EPHA8: variants seen among roughly 807,000 people sequenced by gnomAD.
The protein encoded by EPHA8 is EPH receptor A8.
In EPHA8, 58 loss-of-function variants were observed where a neutral mutation model predicts 103.6. The observed-to-expected ratio is 0.56, with a 90% CI of 0.45 to 0.70. The LOEUF is 0.70. Among genes scored for constraint, EPHA8 ranks in the 30% least tolerant of loss-of-function variants. The pLI, the probability that EPHA8 is intolerant of heterozygous loss-of-function variation, is 0.00. For synonymous variants in EPHA8, 559 were observed against 572.5 expected, an observed-to-expected ratio of 0.98 and a Z score of 0.34; for missense variants, 1,304 against 1,395.2, an observed-to-expected ratio of 0.93 and a Z score of 1.04.
At chr1:22,574,340 C>G (rs1324671004) in intron 2 of EPHA8, among the ~76,000 whole-genome samples, 1 of 152,208 alleles carries the variant, frequency 6.6e-6, no homozygotes, top group Admixed American at 6.5e-5. Flanking sequence ...AGTTTACCGT[C>G]TTAACCCTTT....
chr1:22,590,790 C>T (rs548664025), intron 5 of EPHA8, among the ~76,000 whole-genome samples: 8 of 152,246 alleles, frequency 5.3e-5, no homozygotes, highest in Non-Finnish European at 8.8e-5. Context: ...CTCGCGGTCA[C>T]CAGCGAAGAC....
chr1:22,601,167 G>T (rs1392442640), intron 15 of EPHA8, 79 bp downstream of exon 15: 3 of 1,540,856 alleles, frequency 1.9e-6, no homozygotes, highest in Non-Finnish European at 2.6e-6. Flanking sequence ...GGACAGTTTG[G>T]CCCTGACACT....
At position 22,597,394 on chromosome 1, in the gene EPHA8, C is replaced by T. The variant is rs189030587; in HGVS notation, c.1848C>T (p.Tyr616=). The change falls in exon 10 of 17, where the codon TAC becomes TAT. Residue 616 remains tyrosine (Y), a synonymous_variant. Transcript: ENST00000166244. The surrounding 1 kb of genome is among the most constrained non-coding windows in gnomAD (Gnocchi z 4.6). ...AGTTCTATGCGGAACCCCACACCTA[C>T]GAGGAGCCAGGCCGGGCGGGCCGCA... The part of the protein sequence containing the change: ...EPQFYAEPHT[Y]EEPGRAGRSF... 1.9e-5 allele frequency: 30 copies of T among 1,613,458 alleles called. No individual in the cohort carries two copies. The highest frequency in any genetic ancestry group is 9.9e-5 in the South Asian group (9 of 91,078).
intron 3 of EPHA8, among the ~76,000 whole-genome samples, chr1:22,582,800 G>T (rs1409718708): frequency 6.6e-6 from 1 of 152,214 alleles, no homozygotes; most frequent in Non-Finnish European, 1.5e-5. Flanking sequence ...GCATCACCCA[G>T]CGGAGCAGCA....
intron 15 of EPHA8, 26 bp downstream of exon 15, chr1:22,601,114 T>G (rs1439257393): frequency 6.3e-7 from 1 of 1,584,760 alleles, no homozygotes; most frequent in African/African-American, 1.3e-5. Flanking sequence ...CCCAGCTCCT[T>G]GAGGCCCAGC....
At chr1:22,583,243 T>C (rs1197972069) in intron 3 of EPHA8, among the ~76,000 whole-genome samples, 3 of 152,258 alleles carry the variant, frequency 2.0e-5, no homozygotes, top group Non-Finnish European at 4.4e-5. Flanking sequence ...GTCTCAGCCA[T>C]TAATTCCCGG....
In EPHA8 at chr1:22,597,490, G is replaced by A. The variant is rs1341794970; in HGVS notation, c.1930+14G>A. 3 of 1,610,064 alleles carry A rather than the reference G, an allele frequency of 1.9e-6. No individual in the cohort carries two copies. The highest frequency in any genetic ancestry group is 1.3e-5 in the African/African-American group (1 of 74,988). ...TCATCGGCTCTGGTGAGTCTCAGGGGTTGTGAGGGCGGGGCCAGCATGGGG... is the reference window on the plus strand; with the variant it reads ...TCATCGGCTCTGGTGAGTCTCAGGGATTGTGAGGGCGGGGCCAGCATGGGG... On this transcript the variant is annotated intron_variant, in intron 10 of 16. Coordinates refer to ENST00000166244, the MANE Select transcript of EPHA8 (RefSeq NM_020526.5). This position sits in a 1 kb window ranked among gnomAD's most constrained non-coding sequence, Gnocchi z 4.6.
intron 2 of EPHA8, among the ~76,000 whole-genome samples, chr1:22,572,130 C>T (rs1640559266): frequency 6.6e-6 from 1 of 152,232 alleles, no homozygotes; most frequent in Non-Finnish European, 1.5e-5. Flanking sequence ...ACCCCTCTGA[C>T]TCTGGAGTCC....
chr1:22,588,054 G>A (rs1162323193), intron 4 of EPHA8, among the ~76,000 whole-genome samples: 8 of 152,220 alleles, frequency 5.3e-5, no homozygotes, highest in African/African-American at 9.6e-5. Flanking sequence ...GCTTAAGATC[G>A]TAAAGGCTGA....
chr1:22,585,646 A>T (rs933205320), intron 3 of EPHA8, among the ~76,000 whole-genome samples: 1 of 152,198 alleles, frequency 6.6e-6, no homozygotes, highest in African/African-American at 2.4e-5. Context: ...ATGATCACGC[A>T]GGCAGCTGGG....
chr1:22,574,742 A>G (rs1640636534), intron 2 of EPHA8, among the ~76,000 whole-genome samples: 7 of 152,180 alleles, frequency 4.6e-5, no homozygotes, highest in Admixed American at 4.6e-4. Flanking sequence ...TAATGCTGCT[A>G]TGAATAGGGG....
intron 13 of EPHA8, among the ~76,000 whole-genome samples, chr1:22,600,266 GGGAAGGAAGGAAGGGATGAGGAAA>G (rs1469136284): frequency 2.1e-5 from 3 of 146,030 alleles, no homozygotes; most frequent in Non-Finnish European, 4.5e-5. Context: ...GAAGGAAGAA[GGGAAGGAAGGAAGGGATGAGGAAA>G]GGAAGGAAGG....
rs1032344921 is a variant in EPHA8 at position 22,563,739 on chromosome 1, G to A, written c.94+10G>A. 6.8e-6 allele frequency: 1 copy of A among 147,462 alleles called. No individual in the cohort carries two copies. Among genetic ancestry groups the A allele is most frequent in the Non-Finnish European group, 1.5e-5 (1 of 65,994 alleles). 9.1% of individuals were successfully genotyped at this position (147,462 alleles called of 1,614,324 possible). A position where few individuals can be genotyped will look rare whatever the true frequency, so the allele number is the denominator to read the frequency against. On this transcript the variant is annotated intron_variant, in intron 1 of 16. Coordinates refer to ENST00000166244, the MANE Select transcript of EPHA8 (RefSeq NM_020526.5). This position sits in a 1 kb window ranked among gnomAD's most constrained non-coding sequence, Gnocchi z 4.4. ...GCGGCGCGCGGCGAAGGTGAGCGGC[G>A]GCGGCGGGGCGGGGCAGGGGCGGCC...
In EPHA8 at chr1:22,593,531, A is replaced by T. The variant is rs1289866171; in HGVS notation, c.1448A>T (p.Glu483Val). The change falls in exon 7 of 17, where the codon GAG becomes GTG. Residue 483 changes from glutamate to valine, a missense_variant. By Grantham distance (121) the Glu-to-Val change is moderately radical (BLOSUM62 -2). Transcript: ENST00000166244. The stretch of plus-strand genomic sequence containing the variant: ...ACCACCGTCCCGTGGCAGGACAAGG[A>T]GATGCAGAGCTACTCCACCCTCAAG... Reference protein sequence around the residue: ...YEIKYYEKDKEMQSYSTLKAV... With the variant: ...YEIKYYEKDKVMQSYSTLKAV... 1 of 1,612,140 alleles carries T rather than the reference A, an allele frequency of 6.2e-7. No individual in the cohort carries two copies. Among genetic ancestry groups the T allele is most frequent in the East Asian group, 2.2e-5 (1 of 44,864 alleles).
rs1180417843 is a variant in EPHA8 at position 22,567,836 on chromosome 1, G to A, written c.95-1453G>A. Among the ~76,000 whole-genome samples the A allele has an allele frequency of 6.6e-6, 1 of 152,148 alleles. No individual in the cohort carries two copies. The highest frequency in any genetic ancestry group is 1.5e-5 in the Non-Finnish European group (1 of 68,030). On this transcript the variant is annotated intron_variant, in intron 1 of 16. Transcript: ENST00000166244. The surrounding 1 kb of genome is among the most constrained non-coding windows in gnomAD (Gnocchi z 4.2). Reference sequence around the variant, plus strand: ...AGCCCGCTGATTGGGGTGGTTAAAAGCCCATGGCTGTTGGCTGGGAGAAGG... The same window carrying A: ...AGCCCGCTGATTGGGGTGGTTAAAAACCCATGGCTGTTGGCTGGGAGAAGG...
At chr1:22,590,341 A>C (rs1486289133) in intron 5 of EPHA8, among the ~76,000 whole-genome samples, 4 of 151,888 alleles carry the variant, frequency 2.6e-5, no homozygotes, top group Non-Finnish European at 5.9e-5. Flanking sequence ...AGGAAACTAG[A>C]CCCTGCCTTG....
In EPHA8 at chr1:22,590,666, C is replaced by T. The variant is rs559659893; in HGVS notation, c.1315+1460C>T. Among the ~76,000 whole-genome samples, 16 of 152,234 alleles carry T rather than the reference C, an allele frequency of 1.1e-4. No homozygotes were observed. In the South Asian group the frequency reaches 2.9e-3, roughly 28 times the overall value. On this transcript the variant is annotated intron_variant, in intron 5 of 16. Transcript: ENST00000166244. ...AAATGGCCTCTAAAGGCCATGGGTC[C>T]CTGGGAATGTCCTGGGCCCTCCTCT...
Position 22,601,469 on chromosome 1 carries a change from G to A in EPHA8, c.2899G>A (p.Ala967Thr), listed in dbSNP as rs375902715. ...SSLGMVLRMNAQDVRALGITL... is the reference protein window; with the variant it reads ...SSLGMVLRMNTQDVRALGITL... ...TCTGGGCATGGTGCTACGCATGAAC[G>A]CCCAGTGAGTGATGGGTGGGGCTGG... Residue 967 changes from alanine to threonine, a missense_variant, in exon 16 of 17, where the codon GCC becomes ACC. Ala to Thr is a moderately conservative substitution (Grantham distance 58). Transcript: ENST00000166244. 1.2e-5 allele frequency: 19 copies of A among 1,609,448 alleles called. No individual in the cohort carries two copies. Among genetic ancestry groups the A allele is most frequent in the Middle Eastern group, 3.3e-4 (2 of 6,040 alleles).
At chr1:22,593,300 C>G (rs1023118794) in intron 5 of EPHA8, 26 bp from the exon 6 acceptor site, 1 of 1,548,188 alleles carries the variant, frequency 6.5e-7, no homozygotes. Context: ...TCCCCTCCGC[C>G]CATCTGACGG....
Sources: allele counts gnomAD v4.1 joint callset (sites outside exome capture counted in the v4.1 genomes callset), GRCh38; gene constraint gnomAD v4.1.1; non-coding constraint Gnocchi (gnomAD v3.1); transcripts MANE v1.5; gene names NCBI Gene and HGNC (gene_info 2026-07-23, HGNC 2026-07-21).